CDKAL1: variants seen among roughly 807,000 people sequenced by gnomAD.
CDKAL1 encodes the protein CDKAL1 threonylcarbamoyladenosine tRNA methylthiotransferase.
Under a neutral mutation model 68.2 loss-of-function variants are expected in CDKAL1, and 32 were observed. The ratio of observed to expected loss-of-function variants is 0.47; its 90% CI spans 0.35 to 0.63. The LOEUF (loss-of-function observed/expected upper bound fraction) is 0.63, where lower values mean the gene tolerates loss of function less well. Ranked by LOEUF, CDKAL1 falls within the 30% of genes least tolerant of loss-of-function variation. The pLI, the probability that CDKAL1 is intolerant of heterozygous loss-of-function variation, is 0.00. For missense variants in CDKAL1, 606 were observed against 696.7 expected, an observed-to-expected ratio of 0.87 and a Z score of 1.47; for synonymous variants, 234 against 244.3, an observed-to-expected ratio of 0.96 and a Z score of 0.39.
At chr6:20,851,892 T>C (rs1351877623) in intron 9 of CDKAL1, among the ~76,000 whole-genome samples, 1 of 152,086 alleles carries the variant, frequency 6.6e-6, no homozygotes, top group African/African-American at 2.4e-5. Context: ...TTGTACACTT[T>C]ATATCAAGTC....
intron 5 of CDKAL1, among the ~76,000 whole-genome samples, chr6:20,693,154 A>AC (rs1770950822): frequency 1.4e-5 from 2 of 142,476 alleles, no homozygotes; most frequent in African/African-American, 5.1e-5. Context: ...AAAAAAAAAA[A>AC]AAAGACAGTT....
At position 21,176,692 on chromosome 6, in the gene CDKAL1, T is replaced by G. The variant is rs200226292; in HGVS notation, c.1300-21329T>G. On this transcript the variant is annotated intron_variant, in intron 13 of 15. Transcript: ENST00000274695. The stretch of plus-strand genomic sequence containing the variant: ...ATGGGCTGGATGTTGGTTTTTTTTT[T>G]TTTGTTTTTTTTTTTTTTTTGAGAC... Among the ~76,000 whole-genome samples the G allele has an allele frequency of 2.1e-3, 293 of 136,298 alleles. 3 individuals carry two copies. In the East Asian group the frequency reaches 0.027, roughly 13 times the overall value. The allele number at this position is 136,298 out of a possible 152,430, so 89.4% of individuals were successfully genotyped here.
chr6:20,578,038 A>G (rs1197818483), intron 4 of CDKAL1, among the ~76,000 whole-genome samples: 1 of 152,130 alleles, frequency 6.6e-6, no homozygotes, highest in African/African-American at 2.4e-5. Flanking sequence ...TCCCTGGACT[A>G]TATGTCATAA....
chr6:20,540,464 T>G (rs1018175923), intron 2 of CDKAL1, among the ~76,000 whole-genome samples: 4 of 151,536 alleles, frequency 2.6e-5, no homozygotes, highest in African/African-American at 9.7e-5. Flanking sequence ...TTGACTTTTT[T>G]TTTTTTTGGG....
At chr6:20,663,071 C>CA (rs1250686519) in intron 5 of CDKAL1, among the ~76,000 whole-genome samples, 2 of 151,986 alleles carry the variant, frequency 1.3e-5, no homozygotes, top group African/African-American at 4.8e-5. Context: ...CTTTCCCCCA[C>CA]AAAAAAGATG....
intron 8 of CDKAL1, among the ~76,000 whole-genome samples, chr6:20,794,394 T>C (rs9460557): frequency 0.026 from 3,891 of 152,248 alleles, 155 homozygotes; most frequent in African/African-American, 0.086. Context: ...TTTAAGCTAT[T>C]TGTTTATGTG....
At chr6:20,663,655 AC>A (rs1279123998) in intron 5 of CDKAL1, among the ~76,000 whole-genome samples, 1 of 152,096 alleles carries the variant, frequency 6.6e-6, no homozygotes, top group Non-Finnish European at 1.5e-5. Flanking sequence ...ACCTGCAATG[AC>A]CATATTTGAA....
At chr6:20,970,535 A>G (rs917873533) in intron 10 of CDKAL1, among the ~76,000 whole-genome samples, 1 of 152,220 alleles carries the variant, frequency 6.6e-6, no homozygotes. Context: ...CCTTGTATCT[A>G]TCAGACCATC....
chr6:20,582,125 T>C (rs1407632461), intron 4 of CDKAL1, among the ~76,000 whole-genome samples: 3 of 152,210 alleles, frequency 2.0e-5, no homozygotes, highest in Non-Finnish European at 2.9e-5. Context: ...GACCTTTACA[T>C]TTATATGAAG....
chr6:20,886,012 G>A (rs1761049871), intron 9 of CDKAL1, among the ~76,000 whole-genome samples: 1 of 152,156 alleles, frequency 6.6e-6, no homozygotes, highest in Non-Finnish European at 1.5e-5. Flanking sequence ...ACTCCAGCCT[G>A]AGAAACAGAG....
At chr6:20,905,850 C>T (rs55805308) in intron 9 of CDKAL1, among the ~76,000 whole-genome samples, 35,523 of 151,478 alleles carry the variant, frequency 0.23, 4,336 homozygotes, top group African/African-American at 0.28. Context: ...CTATATCTAA[C>T]GAAACTGTTC....
At chr6:21,075,449 G>T (rs577918417) in intron 12 of CDKAL1, among the ~76,000 whole-genome samples, 2 of 151,704 alleles carry the variant, frequency 1.3e-5, no homozygotes, top group African/African-American at 2.4e-5. Context: ...TTGTATAGGG[G>T]GAGAGATGAA....
intron 9 of CDKAL1, among the ~76,000 whole-genome samples, chr6:20,900,980 G>A (rs779894961): frequency 1.3e-5 from 2 of 152,074 alleles, no homozygotes; most frequent in South Asian, 2.1e-4. Flanking sequence ...TCAATGAGAC[G>A]TGTCGTCTTT....
intron 9 of CDKAL1, among the ~76,000 whole-genome samples, chr6:20,860,089 T>G (rs1759533527): frequency 6.6e-6 from 1 of 152,218 alleles, no homozygotes; most frequent in Non-Finnish European, 1.5e-5. Flanking sequence ...TTTTTTTCTT[T>G]TCTTTTGAGA....
At position 21,167,162 on chromosome 6, in the gene CDKAL1, T is replaced by C. The variant is rs76520598; in HGVS notation, c.1300-30859T>C. 5.3e-4 allele frequency among the ~76,000 whole-genome samples: 81 copies of C among 152,362 alleles called. 1 individual carries two copies. In the East Asian group the frequency reaches 0.01, roughly 19 times the overall value. ...TCTATTATGGGCTACGGTTAGTTTA[T>C]GGCATATCCTGTAGTTCTAACAAAT... On this transcript the variant is annotated intron_variant, in intron 13 of 15. Transcript: ENST00000274695.
intron 15 of CDKAL1, among the ~76,000 whole-genome samples, chr6:21,205,614 T>G (rs1582414399): frequency 6.6e-6 from 1 of 151,658 alleles, no homozygotes; most frequent in East Asian, 1.9e-4. Flanking sequence ...CACTGTAAGC[T>G]CCGCCTCCTG....
intron 6 of CDKAL1, among the ~76,000 whole-genome samples, chr6:20,751,918 A>G (rs1482654681): frequency 6.6e-6 from 1 of 152,212 alleles, no homozygotes; most frequent in Non-Finnish European, 1.5e-5. Flanking sequence ...ATTAATTAAG[A>G]ACAACTTTCC....
chr6:20,894,022 T>C (rs1244658580), intron 9 of CDKAL1, among the ~76,000 whole-genome samples: 2 of 152,148 alleles, frequency 1.3e-5, no homozygotes, highest in East Asian at 3.8e-4. Flanking sequence ...AAAAGAAATA[T>C]GTTTCATATT....
chr6:21,038,017 A>C (rs1169578667), intron 11 of CDKAL1, among the ~76,000 whole-genome samples: 3 of 152,236 alleles, frequency 2.0e-5, no homozygotes, highest in Admixed American at 6.5e-5. Context: ...CCCTGGGAAT[A>C]TTGTAACATG....
Sources: gnomAD v4.1 joint callset for allele counts (sites outside exome capture counted in the v4.1 genomes callset) on GRCh38, gnomAD v4.1.1 for gene constraint, MANE v1.5 for transcripts, NCBI Gene and HGNC (gene_info 2026-07-23, HGNC 2026-07-21) for gene names.